Variants in RORA observed in about 807,000 individuals in gnomAD.
RORA encodes the protein RAR related orphan receptor A, also known as nuclear receptor ROR-alpha.
In RORA, 7 loss-of-function variants were observed where a neutral mutation model predicts 69.5. The observed-to-expected ratio is 0.10, with a 90% CI of 0.06 to 0.19. The LOEUF is 0.19. RORA is among the 10% of genes least tolerant of loss of function. The pLI is 1.00. For synonymous variants in RORA, 261 were observed against 240.8 expected (o/e 1.08, Z -0.78); for missense variants, 457 against 663.0 (o/e 0.69, Z 3.41).
intron 1 of RORA, among the ~76,000 whole-genome samples, chr15:61,100,611 G>A (rs2078865620): frequency 6.6e-6 from 1 of 152,158 alleles, no homozygotes; most frequent in African/African-American, 2.4e-5. Flanking sequence ...AGAGCCACCT[G>A]TGGCTAGAGA....
intron 1 of RORA, among the ~76,000 whole-genome samples, chr15:61,026,459 C>T (rs543021930): frequency 2.6e-5 from 4 of 152,262 alleles, no homozygotes; most frequent in South Asian, 2.1e-4. Flanking sequence ...TTTAAACTTT[C>T]GGTATTTGGG....
At chr15:60,625,004 G>A (rs2069535805) in intron 2 of RORA, among the ~76,000 whole-genome samples, 1 of 152,060 alleles carries the variant, frequency 6.6e-6, no homozygotes, top group Non-Finnish European at 1.5e-5. Flanking sequence ...GGAAATGTAG[G>A]GCTTAGTGAA....
In RORA at chr15:60,905,392, C is replaced by CT. The variant is rs369443415; in HGVS notation, c.167-226707dup. ...TGTCAAAGACAGCTCATTAGATCAA[C>CT]TTTTTTTTCTGTGTATTTTTTTTTC... On this transcript the variant is annotated intron_variant, in intron 1 of 10. Transcript: ENST00000335670. This position sits in a 1 kb window ranked among gnomAD's most constrained non-coding sequence, Gnocchi z 4.8. Among the ~76,000 whole-genome samples the CT allele has an allele frequency of 1.3e-5, 2 of 152,166 alleles. No homozygotes were observed. Among genetic ancestry groups the CT allele is most frequent in the South Asian group, 2.1e-4 (1 of 4,814 alleles).
chr15:60,740,491 G>C (rs1049363865), intron 1 of RORA, among the ~76,000 whole-genome samples: 1 of 152,202 alleles, frequency 6.6e-6, no homozygotes, highest in African/African-American at 2.4e-5. Context: ...ATGCCAGTGA[G>C]GCTGTGTCCA....
rs565518672 is a variant in RORA, at chr15:61,040,008, G to T, written c.166+189045C>A. Among the ~76,000 whole-genome samples the T allele has an allele frequency of 1.0e-4, 15 of 149,412 alleles. No homozygotes were observed. In the South Asian group the frequency reaches 2.8e-3, roughly 27 times the overall value. On this transcript the variant is annotated intron_variant, in intron 1 of 10. Transcript: ENST00000335670. ...AAAGAATTTGGGCCATTTTGTTGAT[G>T]GTAGTTTTCCAATTACATTCCTCCC...
At chr15:60,621,868 TG>T (rs2069418328) in intron 2 of RORA, among the ~76,000 whole-genome samples, 1 of 151,542 alleles carries the variant, frequency 6.6e-6, no homozygotes, top group Non-Finnish European at 1.5e-5. Flanking sequence ...GCCAATACGG[TG>T]AAAACTCATC....
chr15:60,740,920 C>T (rs1448903653), intron 1 of RORA, among the ~76,000 whole-genome samples: 1 of 152,192 alleles, frequency 6.6e-6, no homozygotes, highest in African/African-American at 2.4e-5. Context: ...GGGCAAACCC[C>T]AGTGAGAAAG....
chr15:61,057,135 C>A (rs1212580446), intron 1 of RORA, among the ~76,000 whole-genome samples: 1 of 152,218 alleles, frequency 6.6e-6, no homozygotes, highest in Non-Finnish European at 1.5e-5. Flanking sequence ...GCTGCCAGGT[C>A]TCCTTAGACT....
chr15:60,913,590 G>A (rs1891791307), intron 1 of RORA, among the ~76,000 whole-genome samples: 1 of 152,206 alleles, frequency 6.6e-6, no homozygotes, highest in African/African-American at 2.4e-5. Context: ...TTCACTGTGA[G>A]TCAGGTGGAA....
At chr15:61,059,662 A>AT (rs1461236374) in intron 1 of RORA, among the ~76,000 whole-genome samples, 4 of 152,082 alleles carry the variant, frequency 2.6e-5, no homozygotes, top group Non-Finnish European at 5.9e-5. Context: ...TTTATGAGTT[A>AT]TAATAAAAGA....
At chr15:60,605,656 CA>C (rs2068928322) in intron 2 of RORA, among the ~76,000 whole-genome samples, 1 of 152,060 alleles carries the variant, frequency 6.6e-6, no homozygotes, top group South Asian at 2.1e-4. Flanking sequence ...GACTCACTGA[CA>C]AAGCAAGCTA....
At chr15:61,001,921 G>A (rs951640450) in intron 1 of RORA, among the ~76,000 whole-genome samples, 3 of 152,234 alleles carry the variant, frequency 2.0e-5, no homozygotes, top group Non-Finnish European at 2.9e-5. Flanking sequence ...AGTCGGCTGA[G>A]GTGGGCAGGA....
At chr15:60,838,440 C>T (rs8024133) in intron 1 of RORA, among the ~76,000 whole-genome samples, 63,839 of 151,974 alleles carry the variant, frequency 0.42, 15,299 homozygotes, top group Non-Finnish European at 0.54. Context: ...GCTGTCCAAG[C>T]AGACAGGCAG....
Position 60,775,607 on chromosome 15 carries a change from G to A in RORA, c.167-96921C>T, listed in dbSNP as rs76957799. On this transcript the variant is annotated intron_variant, in intron 1 of 10. Coordinates refer to ENST00000335670, the MANE Select transcript of RORA (RefSeq NM_134261.3). ...CCCTCTTTGCTCTTTTCCCCTCCCT[G>A]ATTACCCCCTACTCAAGGCACGAGC... Among the ~76,000 whole-genome samples, 1,014 of 152,016 alleles carry A rather than the reference G, an allele frequency of 6.7e-3. 8 individuals carry two copies. The highest frequency in any genetic ancestry group is 0.01 in the Non-Finnish European group (684 of 67,982).
At position 60,836,142 on chromosome 15, in the gene RORA, C is replaced by G. The variant is rs145208166; in HGVS notation, c.167-157456G>C. On this transcript the variant is annotated intron_variant, in intron 1 of 10. Transcript: ENST00000335670. ...AAATAGATGGCATTTAGCCGAAAGT[C>G]TAGTCTATGTGGTGTACCGTTAGTC... Among the ~76,000 whole-genome samples the G allele has an allele frequency of 4.9e-3, 742 of 152,292 alleles. 13 individuals carry two copies. The highest frequency in any genetic ancestry group is 0.017 in the African/African-American group (704 of 41,550).
At chr15:60,522,424 T>C (rs1415114904) in intron 3 of RORA, among the ~76,000 whole-genome samples, 1 of 152,124 alleles carries the variant, frequency 6.6e-6, no homozygotes, top group Non-Finnish European at 1.5e-5. Flanking sequence ...ATTTAAAAAG[T>C]GATGGCCCAA....
intron 1 of RORA, among the ~76,000 whole-genome samples, chr15:60,893,100 T>A (rs1212227714): frequency 6.6e-6 from 1 of 152,170 alleles, no homozygotes; most frequent in Non-Finnish European, 1.5e-5. Flanking sequence ...CTGAAGAGAA[T>A]CACCAGGGTG....
intron 1 of RORA, among the ~76,000 whole-genome samples, chr15:60,912,283 TG>T (rs539954363): frequency 6.6e-6 from 1 of 151,626 alleles, no homozygotes; most frequent in African/African-American, 2.4e-5. Flanking sequence ...TAGCCAGATG[TG>T]GGGGGGCTGC....
At chr15:60,928,486 A>G (rs1369229764) in intron 1 of RORA, among the ~76,000 whole-genome samples, 2 of 152,204 alleles carry the variant, frequency 1.3e-5, no homozygotes, top group Admixed American at 6.5e-5. Flanking sequence ...AACCTAATAC[A>G]TGGTAGGACC....
Sources: gnomAD v4.1 joint callset for allele counts (sites outside exome capture counted in the v4.1 genomes callset) on GRCh38, gnomAD v4.1.1 for gene constraint, Gnocchi (gnomAD v3.1) non-coding constraint, MANE v1.5 for transcripts, NCBI Gene and HGNC (gene_info 2026-07-23, HGNC 2026-07-21) for gene names.